The following SMYD5 variants were observed in gnomAD, a reference collection of about 807,000 sequenced individuals.
The protein encoded by SMYD5 is SMYD family member 5.
Under a neutral mutation model 57.4 loss-of-function variants are expected in SMYD5, and 35 were observed. The observed-to-expected ratio is 0.61, with a 90% CI of 0.47 to 0.81. The LOEUF is 0.81. Among genes scored for constraint, SMYD5 ranks in the 30% least tolerant of loss-of-function variants. The pLI, the probability that SMYD5 is intolerant of heterozygous loss-of-function variation, is 0.00. For missense variants in SMYD5, 471 were observed against 527.9 expected (o/e 0.89, Z 1.06); for synonymous variants, 198 against 189.7 (o/e 1.04, Z -0.36).
At chr2:73,215,620 T>A (rs987087496) in intron 1 of SMYD5, among the ~76,000 whole-genome samples, 5 of 152,226 alleles carry the variant, frequency 3.3e-5, no homozygotes, top group Admixed American at 3.3e-4. Flanking sequence ...AGTGATATTC[T>A]TCACCTTTTT....
In SMYD5 at chr2:73,226,072, G is replaced by A. The variant is rs1686497518; in HGVS notation, c.*126G>A. The A allele has an allele frequency of 1.5e-6, 2 of 1,290,986 alleles. No individual in the cohort carries two copies. Among genetic ancestry groups the A allele is most frequent in the Non-Finnish European group, 2.1e-6 (2 of 956,408 alleles). 80.0% of individuals were successfully genotyped at this position (1,290,986 alleles called of 1,614,324 possible). On this transcript the variant is annotated 3_prime_UTR_variant, in exon 13 of 13. Coordinates refer to ENST00000389501, the MANE Select transcript of SMYD5 (RefSeq NM_006062.3). ...TGCTTTCCCCATTCCAGCCCTCTCT[G>A]CTAGAGGGTAGGAGAGAGCCTGGAT...
chr2:73,217,134 T>C (rs898282681), intron 1 of SMYD5, among the ~76,000 whole-genome samples: 2 of 152,120 alleles, frequency 1.3e-5, no homozygotes, highest in Admixed American at 1.3e-4. Context: ...GTATTTTTAG[T>C]AGAGACAGGG....
Position 73,223,649 on chromosome 2 carries a change from T to G in SMYD5, c.883+117T>G, listed in dbSNP as rs1448873809. ...TAATGGTGGGGGAAGGTAATCCCTT[T>G]GTGCCTGTGGGGAGCTTCAGATCTG... is the stretch of plus-strand genomic sequence containing the variant. On this transcript the variant is annotated intron_variant, in intron 9 of 12. Coordinates refer to ENST00000389501, the MANE Select transcript of SMYD5 (RefSeq NM_006062.3). 6 of 769,152 alleles carry G rather than the reference T, an allele frequency of 7.8e-6. No homozygotes were observed. The African/African-American group carries it at 1.0e-4, about 13-fold the overall frequency. 47.6% of individuals were successfully genotyped at this position (769,152 alleles called of 1,614,324 possible).
chr2:73,217,339 C>G (rs1686309766), intron 1 of SMYD5, among the ~76,000 whole-genome samples: 1 of 152,186 alleles, frequency 6.6e-6, no homozygotes. Flanking sequence ...AACTCTGATT[C>G]TTTTCTCTTT....
intron 10 of SMYD5, among the ~76,000 whole-genome samples, 170 bp downstream of exon 10, chr2:73,224,173 C>A (rs961755261): frequency 6.6e-6 from 1 of 152,124 alleles, no homozygotes; most frequent in Non-Finnish European, 1.5e-5. Flanking sequence ...CCTTTTTGTT[C>A]TATCATTTTT....
intron 2 of SMYD5, 160 bp from the exon 3 acceptor site, chr2:73,219,883 TCATTCATC>T (rs371974463): frequency 1.8e-5 from 15 of 830,844 alleles, no homozygotes; most frequent in Middle Eastern, 2.2e-4. Flanking sequence ...TGAAATAAAT[TCATTCATC>T]CATTCATCCA....
intron 1 of SMYD5, chr2:73,214,563 G>A (rs567731939): frequency 6.4e-5 from 96 of 1,490,096 alleles, no homozygotes; most frequent in Admixed American, 5.5e-4. Context: ...CGGGCCTCCG[G>A]AGTCTCCGTG....
chr2:73,222,642 C>T, intron 6 of SMYD5, 113 bp from the exon 7 acceptor site: 6 of 794,814 alleles, frequency 7.5e-6, no homozygotes, highest in Admixed American at 4.8e-5. Flanking sequence ...ACGGAAAGCT[C>T]AGTCTACAGA....
intron 4 of SMYD5, 97 bp downstream of exon 4, chr2:73,220,879 C>T (rs1686378904): frequency 1.3e-5 from 18 of 1,424,726 alleles, no homozygotes; most frequent in Non-Finnish European, 1.5e-5. Flanking sequence ...GTTCCAATTC[C>T]CCGGATTTTT....
At chr2:73,220,544 TCTC>T (rs1686365764) in intron 3 of SMYD5, 114 bp from the exon 4 acceptor site, 2 of 1,243,276 alleles carry the variant, frequency 1.6e-6, no homozygotes, top group African/African-American at 3.0e-5. Flanking sequence ...CCCTATGTTT[TCTC>T]TTCTCATGAT....
Position 73,220,166 on chromosome 2 carries a change from C to T in SMYD5, c.321C>T (p.Leu107=), listed in dbSNP as rs956849043. The T allele has an allele frequency of 1.9e-6, 3 of 1,614,148 alleles. No individual in the cohort carries two copies. The highest frequency in any genetic ancestry group is 2.5e-6 in the Non-Finnish European group (3 of 1,180,020). ...HPELCTVRKD[L]HQNCPHCQVM... ...AGCTGTGCACTGTGCGCAAAGACCT[C>T]CACCAGAACTGTCCCCATTGCCAAG... Residue 107 remains leucine, a synonymous_variant, in exon 3 of 13, where the codon CTC becomes CTT. Coordinates refer to ENST00000389501, the MANE Select transcript of SMYD5 (RefSeq NM_006062.3).
chr2:73,214,666 G>A (rs1206092003), intron 1 of SMYD5: 58 of 1,456,330 alleles, frequency 4.0e-5, no homozygotes, highest in Non-Finnish European at 5.2e-5. Flanking sequence ...CTGTATCCCT[G>A]GAACGGTGGG....
At chr2:73,220,216 G>A in intron 3 of SMYD5, 26 bp downstream of exon 3, 3 of 1,611,296 alleles carry the variant, frequency 1.9e-6, no homozygotes, top group East Asian at 2.2e-5. Context: ...GAGTGTACCT[G>A]GAAGGGGGTG....
intron 3 of SMYD5, 73 bp from the exon 4 acceptor site, chr2:73,220,588 T>C (rs1464301992): frequency 5.1e-6 from 8 of 1,562,964 alleles, no homozygotes; most frequent in East Asian, 4.5e-5. Flanking sequence ...GGGCTATTTG[T>C]GGAAGGAATG....
rs1686333225 is a variant in SMYD5, at chr2:73,218,764, G to A, written c.97-97G>A. 19 of 818,216 alleles carry A rather than the reference G, an allele frequency of 2.3e-5. No individual in the cohort carries two copies. In the South Asian group the frequency reaches 2.7e-4, roughly 11 times the overall value. 50.7% of individuals were successfully genotyped at this position (818,216 alleles called of 1,614,324 possible). A position where few individuals can be genotyped will look rare whatever the true frequency, so the allele number is the denominator to read the frequency against. Reference sequence around the variant, plus strand: ...AGAGGCAGAGGCCTCTCCTAAGAGTGAGGCATGTGGGAGTGAGGCTGGACA... The same window carrying A: ...AGAGGCAGAGGCCTCTCCTAAGAGTAAGGCATGTGGGAGTGAGGCTGGACA... On this transcript the variant is annotated intron_variant, in intron 1 of 12. Coordinates refer to ENST00000389501, the MANE Select transcript of SMYD5 (RefSeq NM_006062.3).
At chr2:73,222,963 C>A in intron 7 of SMYD5, 73 bp from the exon 8 acceptor site, 1 of 1,526,714 alleles carries the variant, frequency 6.6e-7, no homozygotes, top group Non-Finnish European at 9.1e-7. Context: ...CAGAAGGCTT[C>A]CCAAACAGAG....
At chr2:73,216,204 C>T (rs1375016287) in intron 1 of SMYD5, among the ~76,000 whole-genome samples, 1 of 152,160 alleles carries the variant, frequency 6.6e-6, no homozygotes, top group Non-Finnish European at 1.5e-5. Flanking sequence ...GTGCACTAGC[C>T]GGATAGCAGC....
At chr2:73,218,818 T>C in intron 1 of SMYD5, 43 bp from the exon 2 acceptor site, 1 of 1,461,086 alleles carries the variant, frequency 6.8e-7, no homozygotes, top group Non-Finnish European at 9.6e-7. Context: ...GAGCTATGTC[T>C]TCTGTTCCTT....
chr2:73,223,558 A>G (rs774866364), intron 9 of SMYD5, 26 bp downstream of exon 9: 1 of 1,510,548 alleles, frequency 6.6e-7, no homozygotes. Flanking sequence ...CCTTGGCCTC[A>G]CCCAGCCATG....
Sources: gnomAD v4.1 joint callset for allele counts (sites outside exome capture counted in the v4.1 genomes callset) on GRCh38, gnomAD v4.1.1 for gene constraint, MANE v1.5 for transcripts, NCBI Gene and HGNC (gene_info 2026-07-23, HGNC 2026-07-21) for gene names.